The following DCC variants were observed in gnomAD, a reference collection of about 807,000 sequenced individuals.
DCC encodes the protein netrin receptor DCC.
In DCC, 58 loss-of-function variants were observed where a neutral mutation model predicts 172.5. The observed-to-expected ratio is 0.34, with a 90% CI of 0.27 to 0.42. DCC has a LOEUF of 0.42. DCC is among the 10% of genes least tolerant of loss of function. The pLI, the probability that DCC is intolerant of heterozygous loss-of-function variation, is 1.00. For synonymous variants in DCC, 709 were observed against 644.5 expected (o/e 1.10, Z -1.52); for missense variants, 1,740 against 1,791.0 (o/e 0.97, Z 0.51).
intron 1 of DCC, among the ~76,000 whole-genome samples, chr18:52,699,913 T>C (rs2036079177): frequency 6.6e-6 from 1 of 152,180 alleles, no homozygotes; most frequent in Non-Finnish European, 1.5e-5. Context: ...CTTTAGTATA[T>C]TCACAGAGTT....
At chr18:52,880,428 C>T (rs1037650341) in intron 2 of DCC, among the ~76,000 whole-genome samples, 1 of 152,160 alleles carries the variant, frequency 6.6e-6, no homozygotes, top group Non-Finnish European at 1.5e-5. Flanking sequence ...GGATTACAGG[C>T]GTTAGCCACC....
At chr18:52,589,373 T>C (rs2033747796) in intron 1 of DCC, among the ~76,000 whole-genome samples, 1 of 152,254 alleles carries the variant, frequency 6.6e-6, no homozygotes, top group South Asian at 2.1e-4. Flanking sequence ...TAGTGTTCTA[T>C]GACACAAATA....
intron 7 of DCC, among the ~76,000 whole-genome samples, chr18:53,137,190 A>G (rs1436312530): frequency 1.3e-5 from 2 of 152,244 alleles, no homozygotes; most frequent in African/African-American, 2.4e-5. Flanking sequence ...TCAGGAGTCC[A>G]AGCACAGCTT....
intron 2 of DCC, among the ~76,000 whole-genome samples, chr18:52,757,764 A>G (rs918884812): frequency 6.6e-6 from 1 of 152,170 alleles, no homozygotes; most frequent in African/African-American, 2.4e-5. Context: ...CAGAAAGTGA[A>G]TCTCTATACA....
intron 1 of DCC, among the ~76,000 whole-genome samples, chr18:52,344,029 T>C (rs1341357774): frequency 6.6e-6 from 1 of 152,252 alleles, no homozygotes; most frequent in Non-Finnish European, 1.5e-5. Flanking sequence ...ACATGTGTTA[T>C]ATGTGAATAT....
At chr18:53,124,280 T>C (rs2043523670) in intron 7 of DCC, among the ~76,000 whole-genome samples, 3 of 152,220 alleles carry the variant, frequency 2.0e-5, no homozygotes, top group African/African-American at 4.8e-5. Flanking sequence ...TTAAGCACAG[T>C]GTAACAAAAC....
At chr18:53,179,970 A>G (rs150187303) in intron 9 of DCC, among the ~76,000 whole-genome samples, 2 of 152,350 alleles carry the variant, frequency 1.3e-5, no homozygotes, top group East Asian at 3.9e-4. Context: ...CTTTTTATAT[A>G]ACAAAATTTG....
At chr18:53,208,296 T>C (rs940627680) in intron 11 of DCC, among the ~76,000 whole-genome samples, 7 of 151,536 alleles carry the variant, frequency 4.6e-5, no homozygotes, top group Admixed American at 2.6e-4. Flanking sequence ...AATATATATG[T>C]ATATATGTAT....
intron 1 of DCC, among the ~76,000 whole-genome samples, chr18:52,491,868 G>A (rs2030518763): frequency 6.6e-6 from 1 of 152,030 alleles, no homozygotes; most frequent in Admixed American, 6.6e-5. Context: ...TGTTTGGGGT[G>A]TATCTGAGGT....
chr18:52,615,793 G>C (rs904143706), intron 1 of DCC, among the ~76,000 whole-genome samples: 2 of 152,134 alleles, frequency 1.3e-5, no homozygotes, highest in African/African-American at 4.8e-5. Context: ...GGCAAAAGTG[G>C]TCAGAGCTGC....
intron 2 of DCC, among the ~76,000 whole-genome samples, chr18:52,813,504 G>A (rs1401440299): frequency 6.6e-6 from 1 of 152,138 alleles, no homozygotes; most frequent in Non-Finnish European, 1.5e-5. Flanking sequence ...CACATGGTAT[G>A]GATTAAGGAT....
chr18:52,575,262 T>C (rs960081603), intron 1 of DCC, among the ~76,000 whole-genome samples: 11 of 152,162 alleles, frequency 7.2e-5, no homozygotes, highest in African/African-American at 2.7e-4. Flanking sequence ...TTCATAGCTT[T>C]GGGCATTTAA....
chr18:52,752,313 T>C lies in DCC; in HGVS notation c.351T>C (p.Cys117=), dbSNP rs1167199404. 1.2e-6 allele frequency: 2 copies of C among 1,614,088 alleles called. No individual in the cohort carries two copies. Among genetic ancestry groups the C allele is most frequent in the Non-Finnish European group, 1.7e-6 (2 of 1,180,042 alleles). Residue 117 remains cysteine (C), a synonymous_variant, in exon 2 of 29, where the codon TGT becomes TGC. Coordinates refer to ENST00000442544, the MANE Select transcript of DCC (RefSeq NM_005215.4). The part of the protein sequence containing the change: ...HHKPDEGLYQ[C]EASLGDSGSI... ...AGCCAGATGAGGGACTTTACCAATG[T>C]GAGGCATCTTTAGGAGATTCTGGCT...
At chr18:53,469,457 C>T (rs2045668071) in intron 25 of DCC, among the ~76,000 whole-genome samples, 1 of 152,144 alleles carries the variant, frequency 6.6e-6, no homozygotes, top group African/African-American at 2.4e-5. Flanking sequence ...TTTCAGATTT[C>T]AGTATCTCCC....
chr18:53,207,472 T>C (rs909951447), intron 10 of DCC, among the ~76,000 whole-genome samples: 1 of 152,172 alleles, frequency 6.6e-6, no homozygotes, highest in Non-Finnish European at 1.5e-5. Flanking sequence ...ACTGTAAAAA[T>C]AGCATGTGCT....
intron 1 of DCC, among the ~76,000 whole-genome samples, chr18:52,478,657 C>A (rs1411603712): frequency 6.6e-6 from 1 of 152,150 alleles, no homozygotes; most frequent in Non-Finnish European, 1.5e-5. Flanking sequence ...ACAATCCTGG[C>A]AGAAAGCCAT....
chr18:52,405,029 A>G (rs1486950173), intron 1 of DCC, among the ~76,000 whole-genome samples: 2 of 151,698 alleles, frequency 1.3e-5, no homozygotes, highest in Non-Finnish European at 2.9e-5. Context: ...TCCATGGTGT[A>G]TATGTGCCAC....
At chr18:52,824,376 A>G (rs2038467440) in intron 2 of DCC, among the ~76,000 whole-genome samples, 1 of 152,196 alleles carries the variant, frequency 6.6e-6, no homozygotes, top group African/African-American at 2.4e-5. Flanking sequence ...GCCATTGGTG[A>G]GAAATGTTCT....
chr18:52,852,936 A>G (rs1367287029), intron 2 of DCC, among the ~76,000 whole-genome samples: 2 of 152,224 alleles, frequency 1.3e-5, no homozygotes, highest in Non-Finnish European at 2.9e-5. Context: ...AAGTGATTAT[A>G]GAAATGAGTA....
Sources: gnomAD v4.1 joint callset for allele counts (sites outside exome capture counted in the v4.1 genomes callset) on GRCh38, gnomAD v4.1.1 for gene constraint, MANE v1.5 for transcripts, NCBI Gene and HGNC (gene_info 2026-07-23, HGNC 2026-07-21) for gene names.